MDFIC2: variants seen among roughly 807,000 people sequenced by gnomAD.
MDFIC2 encodes the protein MyoD family inhibitor domain containing 2.
Position 70,194,879 on chromosome 3 carries a change from C to A in MDFIC2, c.*2047G>T, listed in dbSNP as rs1239023537. Among the ~76,000 whole-genome samples, 1 of 151,918 alleles carries A rather than the reference C, an allele frequency of 6.6e-6. No homozygotes were observed. Among genetic ancestry groups the A allele is most frequent in the African/African-American group, 2.4e-5 (1 of 41,340 alleles). On this transcript the variant is annotated 3_prime_UTR_variant, in exon 4 of 4. Coordinates refer to ENST00000567252, the MANE Select transcript of MDFIC2 (RefSeq NM_001364677.1). ...GGTGTTCCTCCTTTAGTGACTAGACCACGGGTAGAGGGGTGGGTGCTCAGA... is the reference window on the plus strand; with the variant it reads ...GGTGTTCCTCCTTTAGTGACTAGACAACGGGTAGAGGGGTGGGTGCTCAGA...
intron 2 of MDFIC2, among the ~76,000 whole-genome samples, chr3:70,282,498 T>G (rs924990902): frequency 2.0e-5 from 3 of 152,228 alleles, no homozygotes; most frequent in Non-Finnish European, 4.4e-5. Flanking sequence ...GCCCTGAGCC[T>G]CTGGTTTTAG....
At chr3:70,308,542 T>G (rs1702424821) in intron 2 of MDFIC2, among the ~76,000 whole-genome samples, 1 of 152,172 alleles carries the variant, frequency 6.6e-6, no homozygotes, top group Non-Finnish European at 1.5e-5. Context: ...CCACCACTGA[T>G]GTGAACAGGC....
At chr3:70,212,002 T>C (rs1559536213) in intron 2 of MDFIC2, among the ~76,000 whole-genome samples, 1 of 151,952 alleles carries the variant, frequency 6.6e-6, no homozygotes, top group East Asian at 1.9e-4. Flanking sequence ...TCCTTCCATG[T>C]ATTTTTTCCT....
chr3:70,304,902 A>G (rs1255274397), intron 2 of MDFIC2, among the ~76,000 whole-genome samples: 3 of 151,740 alleles, frequency 2.0e-5, no homozygotes, highest in African/African-American at 7.3e-5. Context: ...CTTTTTCGTC[A>G]TTCCCTTTTC....
At chr3:70,214,290 G>A (rs947993452) in intron 2 of MDFIC2, among the ~76,000 whole-genome samples, 3 of 152,032 alleles carry the variant, frequency 2.0e-5, no homozygotes, top group South Asian at 2.1e-4. Context: ...AGTCACAGTC[G>A]TATAAATCGT....
chr3:70,304,356 C>A (rs1459040518), intron 2 of MDFIC2, among the ~76,000 whole-genome samples: 1 of 152,218 alleles, frequency 6.6e-6, no homozygotes, highest in Non-Finnish European at 1.5e-5. Context: ...CTTCTCTTGT[C>A]CACATTTCTC....
chr3:70,287,358 A>G (rs1386143591), intron 2 of MDFIC2, among the ~76,000 whole-genome samples: 2 of 149,586 alleles, frequency 1.3e-5, no homozygotes, highest in Non-Finnish European at 3.0e-5. Context: ...GCTGGATTAC[A>G]TTTATTGATT....
chr3:70,206,211 T>C (rs1701289571), intron 3 of MDFIC2, among the ~76,000 whole-genome samples: 1 of 152,096 alleles, frequency 6.6e-6, no homozygotes, highest in Admixed American at 6.6e-5. Flanking sequence ...TATTTCTCTC[T>C]GCCTTCTTTT....
chr3:70,285,400 T>C (rs1334917463), intron 2 of MDFIC2, among the ~76,000 whole-genome samples: 2 of 152,166 alleles, frequency 1.3e-5, no homozygotes, highest in African/African-American at 2.4e-5. Flanking sequence ...TCAGTTTTTA[T>C]GGCTGCATAG....
At chr3:70,279,857 C>A (rs576069774) in intron 2 of MDFIC2, among the ~76,000 whole-genome samples, 53 of 152,268 alleles carry the variant, frequency 3.5e-4, no homozygotes, top group African/African-American at 1.1e-3. Flanking sequence ...CCTGCCAAAC[C>A]ACCTGCTGTG....
chr3:70,277,094 C>G (rs997243569), intron 2 of MDFIC2, among the ~76,000 whole-genome samples: 3 of 151,944 alleles, frequency 2.0e-5, no homozygotes, highest in African/African-American at 7.3e-5. Flanking sequence ...TTCAATGAGG[C>G]GTGAGAAACA....
chr3:70,290,764 G>T (rs1328006216), intron 2 of MDFIC2, among the ~76,000 whole-genome samples: 3 of 152,156 alleles, frequency 2.0e-5, no homozygotes, highest in Non-Finnish European at 1.5e-5. Flanking sequence ...ATCTCGTGGT[G>T]CGCCGTTTTT....
At chr3:70,245,213 A>G (rs1701695531) in intron 2 of MDFIC2, among the ~76,000 whole-genome samples, 1 of 152,132 alleles carries the variant, frequency 6.6e-6, no homozygotes, top group African/African-American at 2.4e-5. Flanking sequence ...TGCATTTTTA[A>G]AAGAGTTTTT....
intron 2 of MDFIC2, among the ~76,000 whole-genome samples, chr3:70,289,467 A>G (rs201721283): frequency 0.054 from 7,973 of 148,800 alleles, 435 homozygotes; most frequent in East Asian, 0.35. Context: ...GGGTAACCCA[A>G]CCTTTCTCTC....
chr3:70,248,212 G>C (rs1361173160), intron 2 of MDFIC2, among the ~76,000 whole-genome samples: 1 of 152,050 alleles, frequency 6.6e-6, no homozygotes, highest in South Asian at 2.1e-4. Flanking sequence ...AAGCATTGTA[G>C]TTATGTGCTA....
chr3:70,233,436 T>C, intron 2 of MDFIC2, among the ~76,000 whole-genome samples: 1 of 152,210 alleles, frequency 6.6e-6, no homozygotes, highest in East Asian at 1.9e-4. Flanking sequence ...GCTGGCATTT[T>C]GATGATAAAG....
chr3:70,246,328 G>A (rs1403492717), intron 2 of MDFIC2, among the ~76,000 whole-genome samples: 1 of 152,040 alleles, frequency 6.6e-6, no homozygotes, highest in Non-Finnish European at 1.5e-5. Context: ...AACGTAAGCT[G>A]GAAAGAAACT....
rs543841158 is a variant in MDFIC2 at position 70,236,197 on chromosome 3, C to T, written c.89-29407G>A. ...ATGACTGCTAAATCCAAACTAAAATCGACTTGGCCCCTTGTGATCTACAGA... is the reference window on the plus strand; with the variant it reads ...ATGACTGCTAAATCCAAACTAAAATTGACTTGGCCCCTTGTGATCTACAGA... On this transcript the variant is annotated intron_variant, in intron 2 of 3. Transcript: ENST00000567252. 1.1e-4 allele frequency among the ~76,000 whole-genome samples: 16 copies of T among 152,270 alleles called. No homozygotes were observed. In the South Asian group the frequency reaches 1.7e-3, roughly 16 times the overall value.
chr3:70,224,985 G>A (rs912853914), intron 2 of MDFIC2, among the ~76,000 whole-genome samples: 2 of 152,110 alleles, frequency 1.3e-5, no homozygotes, highest in Non-Finnish European at 2.9e-5. Context: ...TTTTGGATAG[G>A]TGACATGACA....
Sources: allele counts gnomAD v4.1 joint callset (sites outside exome capture counted in the v4.1 genomes callset), GRCh38; gene constraint gnomAD v4.1.1; transcripts MANE v1.5; gene names NCBI Gene and HGNC (gene_info 2026-07-23, HGNC 2026-07-21).